ANKDD1B: variants seen among roughly 807,000 people sequenced by gnomAD.
ANKDD1B encodes ankyrin repeat and death domain-containing protein 1B.
ANKDD1B carries 57 observed loss-of-function variants against 59.7 expected under a neutral mutation model. The ratio of observed to expected loss-of-function variants is 0.95; its 90% CI spans 0.77 to 1.19. ANKDD1B has a LOEUF of 1.19. Among genes scored for constraint, ANKDD1B ranks in the 50% most tolerant of loss-of-function variants. The pLI is 0.00. For missense variants in ANKDD1B, 602 were observed against 641.9 expected (o/e 0.94, Z 0.67); for synonymous variants, 216 against 239.5 (o/e 0.90, Z 0.91).
intron 13 of ANKDD1B, 85 bp downstream of exon 13, chr5:75,669,468 C>T: frequency 8.6e-7 from 1 of 1,158,736 alleles, no homozygotes; most frequent in African/African-American, 1.6e-5. Context: ...TGACCAGCTA[C>T]AGCCCCAGCG....
chr5:75,611,995 T>G (rs2112946244), intron 1 of ANKDD1B, among the ~76,000 whole-genome samples, 168 bp downstream of exon 1: 1 of 152,288 alleles, frequency 6.6e-6, no homozygotes, highest in South Asian at 2.1e-4. Flanking sequence ...CACTCCCTGT[T>G]GGCTGGTTTT....
intron 10 of ANKDD1B, among the ~76,000 whole-genome samples, chr5:75,661,159 G>A (rs1364737987): frequency 1.3e-5 from 2 of 151,362 alleles, no homozygotes; most frequent in Non-Finnish European, 2.9e-5. Context: ...AGCACTTTGG[G>A]AGGCTGAGGC....
chr5:75,657,292 T>G (rs1775002256), intron 9 of ANKDD1B, among the ~76,000 whole-genome samples: 1 of 151,996 alleles, frequency 6.6e-6, no homozygotes, highest in South Asian at 2.1e-4. Flanking sequence ...AATTTTTTTA[T>G]TAGACCAAGA....
intron 3 of ANKDD1B, among the ~76,000 whole-genome samples, chr5:75,623,996 G>A (rs189563038): frequency 6.6e-6 from 1 of 152,188 alleles, no homozygotes; most frequent in Non-Finnish European, 1.5e-5. Context: ...TTTACAAATA[G>A]AAGTGTACTG....
At chr5:75,621,655 G>A (rs543714157) in intron 3 of ANKDD1B, among the ~76,000 whole-genome samples, 1 of 152,232 alleles carries the variant, frequency 6.6e-6, no homozygotes, top group East Asian at 1.9e-4. Flanking sequence ...AAACACCTAT[G>A]TATCCATTGC....
At chr5:75,659,946 G>T (rs2112016492) in intron 10 of ANKDD1B, among the ~76,000 whole-genome samples, 1 of 151,372 alleles carries the variant, frequency 6.6e-6, no homozygotes, top group South Asian at 2.1e-4. Context: ...TTTTAGAGCT[G>T]CATAGTATAG....
intron 7 of ANKDD1B, among the ~76,000 whole-genome samples, chr5:75,645,249 A>G (rs1774611063): frequency 2.5e-5 from 3 of 118,548 alleles, no homozygotes. Flanking sequence ...AACTAAAATC[A>G]GAGCAGAACT....
At position 75,666,980 on chromosome 5, in the gene ANKDD1B, G is replaced by A. The variant is rs1189620065; in HGVS notation, c.1380G>A (p.Glu460=). 4.1e-6 allele frequency: 6 copies of A among 1,480,818 alleles called. No homozygotes were observed. Among genetic ancestry groups the A allele is most frequent in the Non-Finnish European group, 5.3e-6 (6 of 1,122,472 alleles). 91.7% of individuals were successfully genotyped at this position (1,480,818 alleles called of 1,614,324 possible). The change falls in exon 12 of 14, where the codon GAG becomes GAA. Residue 460 remains glutamate (E), a synonymous_variant. Transcript: ENST00000601380. ...CAGATGACCAGATTAGAGCCATTGA[G>A]GAGCAGTGGTCGGGTGAGTACAGAC... is the stretch of plus-strand genomic sequence containing the variant. ...NFTDDQIRAI[E]EQWSGNESFR...
rs1579987262 is a variant in ANKDD1B at position 75,671,057 on chromosome 5, T to C, written c.*17T>C. On this transcript the variant is annotated 3_prime_UTR_variant, in exon 14 of 14. Transcript: ENST00000601380. ...GTTTCATAAATGCCTAAAGAAATTGTATTTACATGATTTTCCACTCAGCAT... is the reference window on the plus strand; with the variant it reads ...GTTTCATAAATGCCTAAAGAAATTGCATTTACATGATTTTCCACTCAGCAT... 1.7e-6 allele frequency: 2 copies of C among 1,186,542 alleles called. No homozygotes were observed. The highest frequency in any genetic ancestry group is 2.1e-6 in the Non-Finnish European group (2 of 946,450). The allele number at this position is 1,186,542 out of a possible 1,614,324, so 73.5% of individuals were successfully genotyped here.
chr5:75,669,462 C>T, intron 13 of ANKDD1B, 79 bp downstream of exon 13: 1 of 1,165,280 alleles, frequency 8.6e-7, no homozygotes, highest in Non-Finnish European at 1.1e-6. Flanking sequence ...TCATCCTGAC[C>T]AGCTACAGCC....
At chr5:75,661,384 G>A (rs950630724) in intron 10 of ANKDD1B, among the ~76,000 whole-genome samples, 1 of 100,298 alleles carries the variant, frequency 1.0e-5, no homozygotes, top group Non-Finnish European at 1.8e-5. Flanking sequence ...GTGAAAGAGC[G>A]AAACTCCGTC....
At chr5:75,617,539 G>T (rs1320087926) in intron 2 of ANKDD1B, among the ~76,000 whole-genome samples, 14 of 152,118 alleles carry the variant, frequency 9.2e-5, no homozygotes, top group South Asian at 2.1e-4. Flanking sequence ...TTGAGGCCAG[G>T]TTTATCAAAG....
At chr5:75,624,543 A>G (rs1773939770) in intron 3 of ANKDD1B, among the ~76,000 whole-genome samples, 1 of 152,202 alleles carries the variant, frequency 6.6e-6, no homozygotes, top group African/African-American at 2.4e-5. Flanking sequence ...TCACAACTTT[A>G]TGCACATGTG....
chr5:75,626,716 G>A (rs577131286), intron 5 of ANKDD1B, among the ~76,000 whole-genome samples: 18 of 152,222 alleles, frequency 1.2e-4, no homozygotes, highest in Middle Eastern at 3.5e-3. Context: ...TCCCTTCTCA[G>A]ACTAACAGTG....
At chr5:75,626,499 A>G (rs899401240) in intron 5 of ANKDD1B, among the ~76,000 whole-genome samples, 4 of 152,238 alleles carry the variant, frequency 2.6e-5, no homozygotes, top group African/African-American at 4.8e-5. Flanking sequence ...GCACCTACCA[A>G]TGCTCAACAA....
chr5:75,658,065 G>A (rs1163769715), intron 9 of ANKDD1B, among the ~76,000 whole-genome samples: 2 of 151,382 alleles, frequency 1.3e-5, no homozygotes, highest in Non-Finnish European at 2.9e-5. Flanking sequence ...AAAAAAATTA[G>A]TAGAGCCTGT....
At chr5:75,667,806 T>C (rs1350741916) in intron 12 of ANKDD1B, among the ~76,000 whole-genome samples, 1 of 152,202 alleles carries the variant, frequency 6.6e-6, no homozygotes, top group African/African-American at 2.4e-5. Context: ...GTGTCCTTGC[T>C]CAGGGGTCTA....
At chr5:75,648,364 C>G (rs565204121) in intron 7 of ANKDD1B, among the ~76,000 whole-genome samples, 1 of 151,860 alleles carries the variant, frequency 6.6e-6, no homozygotes, top group Non-Finnish European at 1.5e-5. Flanking sequence ...CAGGTGCCTC[C>G]TTGTCCCCAG....
At chr5:75,626,871 A>G (rs1383863597) in intron 5 of ANKDD1B, among the ~76,000 whole-genome samples, 1 of 152,004 alleles carries the variant, frequency 6.6e-6, no homozygotes, top group Admixed American at 6.6e-5. Flanking sequence ...AGTAGAATAT[A>G]CTTCATGAAT....
Sources: allele counts gnomAD v4.1 joint callset (sites outside exome capture counted in the v4.1 genomes callset), GRCh38; gene constraint gnomAD v4.1.1; transcripts MANE v1.5; gene names NCBI Gene and HGNC (gene_info 2026-07-23, HGNC 2026-07-21).